Variants in RSPO2 observed in about 807,000 individuals in gnomAD.
The protein encoded by RSPO2 is R-spondin-2.
In RSPO2, 14 loss-of-function variants were observed where a neutral mutation model predicts 30.9. The observed-to-expected ratio is 0.45, with a 90% CI of 0.30 to 0.71. The LOEUF is 0.71. Among genes scored for constraint, RSPO2 ranks in the 30% least tolerant of loss-of-function variants. The pLI is 0.08. For missense variants in RSPO2, 264 were observed against 301.9 expected (o/e 0.87, Z 0.93); for synonymous variants, 107 against 96.4 (o/e 1.11, Z -0.64).
chr8:107,982,009 C>CAAAAAAAAAA (rs372977834), intron 3 of RSPO2, among the ~76,000 whole-genome samples: 178 of 55,368 alleles, frequency 3.2e-3, no homozygotes, highest in African/African-American at 3.7e-3. Flanking sequence ...ACAACAACAA[C>CAAAAAAAAAA]AAAAAAAAAA....
intron 5 of RSPO2, among the ~76,000 whole-genome samples, chr8:107,956,303 C>T (rs1007688070): frequency 2.6e-5 from 4 of 152,096 alleles, no homozygotes; most frequent in African/African-American, 9.7e-5. Context: ...AATGTAGACA[C>T]AAGAATTAGA....
chr8:108,004,442 T>G (rs1319485773), intron 2 of RSPO2, among the ~76,000 whole-genome samples: 2 of 152,194 alleles, frequency 1.3e-5, no homozygotes, highest in Admixed American at 6.5e-5. Context: ...CATACCTATG[T>G]AATTAGAAAG....
chr8:107,987,620 T>G (rs1586604392), intron 3 of RSPO2, among the ~76,000 whole-genome samples: 1 of 152,222 alleles, frequency 6.6e-6, no homozygotes. Context: ...TCCAGCAATG[T>G]AGGACAGGTC....
chr8:108,044,513 G>C (rs763255203), intron 2 of RSPO2, among the ~76,000 whole-genome samples: 1 of 152,090 alleles, frequency 6.6e-6, no homozygotes, highest in Non-Finnish European at 1.5e-5. Flanking sequence ...GCCTAAAGCT[G>C]CGTCCATATT....
At chr8:107,925,997 T>A (rs1276221031) in intron 5 of RSPO2, among the ~76,000 whole-genome samples, 1 of 152,198 alleles carries the variant, frequency 6.6e-6, no homozygotes, top group Non-Finnish European at 1.5e-5. Flanking sequence ...TCCACAATGG[T>A]TGAACTAGTT....
intron 2 of RSPO2, among the ~76,000 whole-genome samples, chr8:108,046,165 G>A (rs1563577408): frequency 6.6e-6 from 1 of 152,134 alleles, no homozygotes; most frequent in Non-Finnish European, 1.5e-5. Flanking sequence ...ATTTGTTAAT[G>A]AGCAGCTATA....
At chr8:108,057,513 A>C (rs1435934068) in intron 2 of RSPO2, among the ~76,000 whole-genome samples, 1 of 152,192 alleles carries the variant, frequency 6.6e-6, no homozygotes, top group Non-Finnish European at 1.5e-5. Context: ...TAAAGTCTTT[A>C]CTACCTGCTT....
At position 107,991,249 on chromosome 8, in the gene RSPO2, AACACACACACAC is replaced by A. The variant is rs60247229; in HGVS notation, c.95-2017_95-2006del. Among the ~76,000 whole-genome samples the A allele has an allele frequency of 5.8e-3, 779 of 133,468 alleles. 7 individuals are homozygous for A. Among genetic ancestry groups the A allele is most frequent in the African/African-American group, 0.019 (694 of 35,868 alleles). The allele number at this position is 133,468 out of a possible 152,430, so 87.6% of individuals were successfully genotyped here. A position where few individuals can be genotyped will look rare whatever the true frequency, so the allele number is the denominator to read the frequency against. On this transcript the variant is annotated intron_variant, in intron 2 of 5. Transcript: ENST00000276659. ...GCAACAGGAGTGAAACTCCATCTCA[AACACACACACAC>A]ACACACACACACACACACACACACA...
intron 2 of RSPO2, among the ~76,000 whole-genome samples, chr8:108,029,247 G>A (rs951243262): frequency 2.0e-5 from 3 of 151,482 alleles, no homozygotes; most frequent in Non-Finnish European, 2.9e-5. Context: ...GCACTACAAT[G>A]GCAGAATTGA....
chr8:107,905,705 G>A (rs899508027), intron 5 of RSPO2, among the ~76,000 whole-genome samples: 18 of 151,816 alleles, frequency 1.2e-4, no homozygotes, highest in Non-Finnish European at 1.5e-5. Flanking sequence ...TCTGGAAGCA[G>A]AACATGAAAT....
intron 2 of RSPO2, among the ~76,000 whole-genome samples, chr8:108,078,415 T>C (rs1813078837): frequency 6.6e-6 from 1 of 152,244 alleles, no homozygotes; most frequent in African/African-American, 2.4e-5. Flanking sequence ...AGTAAGCAAG[T>C]GTACAAAATG....
chr8:107,952,289 GCA>G (rs60942015), intron 5 of RSPO2, among the ~76,000 whole-genome samples: 10,010 of 148,840 alleles, frequency 0.067, 1,019 homozygotes, highest in African/African-American at 0.23. Flanking sequence ...ACACACACAT[GCA>G]CACACACACA....
At chr8:107,962,534 C>T (rs1394326045) in intron 3 of RSPO2, among the ~76,000 whole-genome samples, 2 of 152,112 alleles carry the variant, frequency 1.3e-5, no homozygotes, top group Non-Finnish European at 2.9e-5. Context: ...ATGGTAAGCA[C>T]AGAACAGTTT....
chr8:108,060,442 G>GATGAAATGA (rs1374431455), intron 2 of RSPO2, among the ~76,000 whole-genome samples: 1 of 151,370 alleles, frequency 6.6e-6, no homozygotes, highest in Non-Finnish European at 1.5e-5. Context: ...AGTGATTGAA[G>GATGAAATGA]ATGAAATGAA....
intron 2 of RSPO2, among the ~76,000 whole-genome samples, chr8:108,008,673 C>T (rs1810581713): frequency 2.0e-5 from 3 of 151,620 alleles, no homozygotes. Context: ...AAAATGTACC[C>T]TAATTTCATA....
At position 107,953,126 on chromosome 8, in the gene RSPO2, T is replaced by C. The variant is rs559923152; in HGVS notation, c.616+4954A>G. ...CACCTTAATTACTTTAAGAGTCCGA[T>C]AGTTGAAATGTGTCAGAAGGAAAAA... On this transcript the variant is annotated intron_variant, in intron 5 of 5. Coordinates refer to ENST00000276659, the MANE Select transcript of RSPO2 (RefSeq NM_178565.5). Among the ~76,000 whole-genome samples the C allele has an allele frequency of 6.6e-5, 10 of 152,212 alleles. No homozygotes were observed. In the South Asian group the frequency reaches 1.9e-3, roughly 28 times the overall value.
At chr8:107,905,800 T>A (rs1811622027) in intron 5 of RSPO2, among the ~76,000 whole-genome samples, 1 of 151,712 alleles carries the variant, frequency 6.6e-6, no homozygotes, top group Non-Finnish European at 1.5e-5. Context: ...TATGGGCAAC[T>A]TGATTTTGCC....
At chr8:108,041,582 G>A (rs1016455428) in intron 2 of RSPO2, among the ~76,000 whole-genome samples, 4 of 152,148 alleles carry the variant, frequency 2.6e-5, no homozygotes, top group Non-Finnish European at 5.9e-5. Flanking sequence ...ACAGCAAATT[G>A]CAAGTGTGGT....
chr8:108,014,460 A>T (rs184683017), intron 2 of RSPO2, among the ~76,000 whole-genome samples: 108 of 152,318 alleles, frequency 7.1e-4, no homozygotes, highest in African/African-American at 2.6e-3. Flanking sequence ...CCCATCAATG[A>T]TAGACTGGAT....
Sources: allele counts gnomAD v4.1 joint callset (sites outside exome capture counted in the v4.1 genomes callset), GRCh38; gene constraint gnomAD v4.1.1; transcripts MANE v1.5; gene names NCBI Gene and HGNC (gene_info 2026-07-23, HGNC 2026-07-21).